Variants in ADAMTSL3 observed in about 807,000 individuals in gnomAD.
ADAMTSL3 encodes ADAMTS-like protein 3.
Under a neutral mutation model 201.7 loss-of-function variants are expected in ADAMTSL3, and 128 were observed. The observed-to-expected ratio is 0.63, with a 90% CI of 0.55 to 0.73. The LOEUF (loss-of-function observed/expected upper bound fraction) is 0.73. Among genes scored for constraint, ADAMTSL3 ranks in the 30% least tolerant of loss-of-function variants. The pLI, the probability that ADAMTSL3 is intolerant of heterozygous loss-of-function variation, is 0.00. For missense variants in ADAMTSL3, 1,990 were observed against 2,119.6 expected (o/e 0.94, Z 1.20); for synonymous variants, 738 against 748.4 (o/e 0.99, Z 0.23).
chr15:83,722,351 T>C (rs941557260), intron 3 of ADAMTSL3, among the ~76,000 whole-genome samples: 4 of 152,218 alleles, frequency 2.6e-5, no homozygotes, highest in Non-Finnish European at 5.9e-5. Context: ...CAGTCAGTGC[T>C]ATAAGACAGC....
chr15:84,034,663 C>G (rs2068472066), intron 28 of ADAMTSL3, among the ~76,000 whole-genome samples: 1 of 152,126 alleles, frequency 6.6e-6, no homozygotes, highest in Admixed American at 6.5e-5. Context: ...GAATCAGAAC[C>G]TTCATGAGAT....
chr15:83,830,978 G>A (rs2064143290), intron 6 of ADAMTSL3, among the ~76,000 whole-genome samples: 1 of 152,198 alleles, frequency 6.6e-6, no homozygotes. Flanking sequence ...GGTGGGTGGA[G>A]TATTGATTTA....
chr15:83,789,630 T>C (rs1367513762), intron 4 of ADAMTSL3, among the ~76,000 whole-genome samples: 1 of 152,134 alleles, frequency 6.6e-6, no homozygotes, highest in African/African-American at 2.4e-5. Flanking sequence ...AAGGCCCTTC[T>C]GAGTCCAATA....
In ADAMTSL3 at chr15:83,970,600, C is replaced by T. The variant is rs144927515; in HGVS notation, c.2607C>T (p.Leu869=). 1.1e-4 allele frequency: 181 copies of T among 1,614,214 alleles called. 1 individual carries two copies. The African/African-American group carries it at 2.2e-3, about 20-fold the overall frequency. ...TGATGTGCAGGGATCTACCAGGGCT[C>T]CCTCTTGTAAGATCTTGCCAGATGC... ...SEMMCRDLPG[L]PLVRSCQMPE... The change falls in exon 20 of 30, where the codon CTC becomes CTT. Residue 869 remains leucine (L), a synonymous_variant. Coordinates refer to ENST00000286744, the MANE Select transcript of ADAMTSL3 (RefSeq NM_207517.3).
chr15:83,881,821 C>A (rs1702209106), intron 9 of ADAMTSL3, among the ~76,000 whole-genome samples: 1 of 151,178 alleles, frequency 6.6e-6, no homozygotes, highest in South Asian at 2.1e-4. Flanking sequence ...CACCACTGTT[C>A]TCCAGCCTGA....
At chr15:83,878,855 C>G (rs1206042477) in intron 9 of ADAMTSL3, among the ~76,000 whole-genome samples, 2 of 151,898 alleles carry the variant, frequency 1.3e-5, no homozygotes, top group Non-Finnish European at 2.9e-5. Flanking sequence ...TCCTCTTATT[C>G]TCTGCAATAG....
At chr15:83,669,455 T>G (rs1021477411) in intron 2 of ADAMTSL3, among the ~76,000 whole-genome samples, 2 of 4,152 alleles carry the variant, frequency 4.8e-4, no homozygotes, top group Non-Finnish European at 7.3e-4. Flanking sequence ...GGAGTGAGGT[T>G]TTTTTTTTTT....
At chr15:83,718,130 G>A (rs1356243009) in intron 3 of ADAMTSL3, among the ~76,000 whole-genome samples, 1 of 152,106 alleles carries the variant, frequency 6.6e-6, no homozygotes, top group African/African-American at 2.4e-5. Context: ...GACATATTTT[G>A]CAGATCCCTT....
At chr15:83,887,233 A>G (rs2065412233) in intron 10 of ADAMTSL3, among the ~76,000 whole-genome samples, 1 of 152,208 alleles carries the variant, frequency 6.6e-6, no homozygotes, top group Non-Finnish European at 1.5e-5. Context: ...AGCTGGAGCC[A>G]TATTGCCATC....
chr15:83,705,922 G>T (rs1213033015), intron 3 of ADAMTSL3, among the ~76,000 whole-genome samples: 13 of 152,106 alleles, frequency 8.5e-5, no homozygotes, highest in Admixed American at 8.5e-4. Flanking sequence ...TTAAAAGTGA[G>T]TGAGTGCATT....
rs567526791 is a variant in ADAMTSL3, at chr15:83,725,637, C to G, written c.189+21129C>G. Among the ~76,000 whole-genome samples, 3 of 152,274 alleles carry G rather than the reference C, an allele frequency of 2.0e-5. No homozygotes were observed. The South Asian group carries it at 6.2e-4, about 32-fold the overall frequency. On this transcript the variant is annotated intron_variant, in intron 3 of 29. Coordinates refer to ENST00000286744, the MANE Select transcript of ADAMTSL3 (RefSeq NM_207517.3). ...TATGGACATCCAATATTCCCAGCATCATTTGTTGAAGAGACTCTCCTTTCC... is the reference window on the plus strand; with the variant it reads ...TATGGACATCCAATATTCCCAGCATGATTTGTTGAAGAGACTCTCCTTTCC...
chr15:83,859,541 G>C lies in ADAMTSL3; in HGVS notation c.802+701G>C, dbSNP rs1204239691. Among the ~76,000 whole-genome samples, 4 of 152,198 alleles carry C rather than the reference G, an allele frequency of 2.6e-5. No homozygotes were observed. In the South Asian group the frequency reaches 8.3e-4, roughly 31 times the overall value. On this transcript the variant is annotated intron_variant, in intron 8 of 29. Transcript: ENST00000286744. ...TTCTATAGGGAACCATACATCCTGT[G>C]ACTCTAACTTTTTCTGGCTATTGTT...
At chr15:83,698,901 C>T (rs2061726170) in intron 2 of ADAMTSL3, among the ~76,000 whole-genome samples, 1 of 152,120 alleles carries the variant, frequency 6.6e-6, no homozygotes, top group African/African-American at 2.4e-5. Flanking sequence ...CTGTTTGACG[C>T]TAAATCTTCC....
At chr15:83,881,331 G>A (rs1213496316) in intron 9 of ADAMTSL3, among the ~76,000 whole-genome samples, 1 of 152,218 alleles carries the variant, frequency 6.6e-6, no homozygotes, top group African/African-American at 2.4e-5. Flanking sequence ...CACCTTGGAA[G>A]GCCTTGAGCT....
chr15:83,736,491 T>A (rs117027255), intron 3 of ADAMTSL3, among the ~76,000 whole-genome samples: 1,782 of 152,276 alleles, frequency 0.012, 22 homozygotes, highest in Non-Finnish European at 0.018. Context: ...TCTGGGAAAT[T>A]CTTAATGGTT....
intron 6 of ADAMTSL3, among the ~76,000 whole-genome samples, chr15:83,826,422 C>T (rs984414284): frequency 1.3e-5 from 2 of 148,540 alleles, no homozygotes; most frequent in Non-Finnish European, 3.0e-5. Flanking sequence ...TGAGCCTGGC[C>T]CTGGAAGCAG....
At chr15:83,987,149 C>G (rs2067495091) in intron 21 of ADAMTSL3, among the ~76,000 whole-genome samples, 1 of 152,202 alleles carries the variant, frequency 6.6e-6, no homozygotes, top group Non-Finnish European at 1.5e-5. Flanking sequence ...ACTGGTTAGA[C>G]TTTTGCTTTT....
chr15:83,664,857 G>A (rs1446487994), intron 2 of ADAMTSL3, among the ~76,000 whole-genome samples: 1 of 152,180 alleles, frequency 6.6e-6, no homozygotes, highest in African/African-American at 2.4e-5. Flanking sequence ...AGCTGTGCTT[G>A]TAGTCCCAGC....
At chr15:83,728,836 T>TA (rs2062222163) in intron 3 of ADAMTSL3, among the ~76,000 whole-genome samples, 1 of 152,110 alleles carries the variant, frequency 6.6e-6, no homozygotes, top group Admixed American at 6.6e-5. Context: ...TAGCTACTAT[T>TA]ACTGGTGAGT....
Sources: allele counts gnomAD v4.1 joint callset (sites outside exome capture counted in the v4.1 genomes callset), GRCh38; gene constraint gnomAD v4.1.1; transcripts MANE v1.5; gene names NCBI Gene and HGNC (gene_info 2026-07-23, HGNC 2026-07-21).